UBE2Q1: variants seen among roughly 807,000 people sequenced by gnomAD.
UBE2Q1 encodes ubiquitin conjugating enzyme E2 Q1.
In UBE2Q1, 6 loss-of-function variants were observed where a neutral mutation model predicts 60.1. The ratio of observed to expected loss-of-function variants is 0.10; its 90% CI spans 0.05 to 0.20. The LOEUF is 0.20. UBE2Q1 is among the 10% of genes least tolerant of loss of function. The pLI is 1.00. For missense variants in UBE2Q1, 262 were observed against 525.8 expected, an observed-to-expected ratio of 0.50 and a Z score of 4.91; for synonymous variants, 226 against 208.3, an observed-to-expected ratio of 1.09 and a Z score of -0.73.
chr1:154,556,357 C>G (rs114907763), intron 1 of UBE2Q1, among the ~76,000 whole-genome samples: 2,361 of 152,314 alleles, frequency 0.016, 57 homozygotes, highest in African/African-American at 0.053. Flanking sequence ...GCTTTTCAAA[C>G]TCCAGAATCG....
At chr1:154,557,082 T>C (rs1049130685) in intron 1 of UBE2Q1, among the ~76,000 whole-genome samples, 1 of 152,242 alleles carries the variant, frequency 6.6e-6, no homozygotes, top group Non-Finnish European at 1.5e-5. Flanking sequence ...ATGGGACATA[T>C]GAGTTTTGGT....
chr1:154,550,829 G>A, intron 12 of UBE2Q1, 109 bp downstream of exon 12: 1 of 1,594,568 alleles, frequency 6.3e-7, no homozygotes, highest in South Asian at 1.1e-5. Context: ...TGTGTTAATG[G>A]GTGGTTGAGT....
chr1:154,555,865 T>A lies in UBE2Q1; in HGVS notation c.427A>T (p.Thr143Ser). The change falls in exon 2 of 13, where the codon ACT becomes TCT. Residue 143 changes from threonine to serine, a missense_variant. This residue lies in a region of UBE2Q1 where 111 missense variants were observed against 266.8 expected (regional missense o/e 0.42). Coordinates refer to ENST00000292211, the MANE Select transcript of UBE2Q1 (RefSeq NM_017582.7). ...ERLVDIKKGNTLLLQHLKRII... is the reference protein window; with the variant it reads ...ERLVDIKKGNSLLLQHLKRII... ...CTACCCTGTGGCCCCCTCACCAGAGTATTCCCTTTCTTTATGTCCACCAGC... is the reference window on the plus strand; with the variant it reads ...CTACCCTGTGGCCCCCTCACCAGAGAATTCCCTTTCTTTATGTCCACCAGC... The A allele has an allele frequency of 6.2e-7, 1 of 1,613,700 alleles. No individual in the cohort carries two copies. Among genetic ancestry groups the A allele is most frequent in the South Asian group, 1.1e-5 (1 of 91,046 alleles).
At position 154,549,307 on chromosome 1, in the gene UBE2Q1, G is replaced by C. The variant is rs923117156; in HGVS notation, c.*1131C>G. Reference sequence around the variant, plus strand: ...CCTGGGGTAAGGACACAGGTGTATAGAACAACCCCCCTTAAAATGCTAACC... The same window carrying C: ...CCTGGGGTAAGGACACAGGTGTATACAACAACCCCCCTTAAAATGCTAACC... On this transcript the variant is annotated 3_prime_UTR_variant, in exon 13 of 13. Transcript: ENST00000292211. 10 of 152,224 alleles carry C rather than the reference G, an allele frequency of 6.6e-5. No individual in the cohort carries two copies. The highest frequency in any genetic ancestry group is 1.9e-4 in the East Asian group (1 of 5,200). The allele number at this position is 152,224 out of a possible 1,614,324, so 9.4% of individuals were successfully genotyped here.
intron 1 of UBE2Q1, 55 bp from the exon 2 acceptor site, chr1:154,556,019 AG>A: frequency 6.6e-7 from 1 of 1,519,478 alleles, no homozygotes; most frequent in Non-Finnish European, 9.1e-7. Context: ...GGGAAAAGCC[AG>A]ATTTTGCCTG....
chr1:154,556,030 G>C lies in UBE2Q1; in HGVS notation c.328-66C>G, dbSNP rs558058532. The C allele has an allele frequency of 4.7e-5, 67 of 1,425,720 alleles. No individual in the cohort carries two copies. The African/African-American group carries it at 9.2e-4, about 19-fold the overall frequency. The allele number at this position is 1,425,720 out of a possible 1,614,324, so 88.3% of individuals were successfully genotyped here. ...CTCTGGGAAAAGCCAGATTTTGCCT[G>C]TCCTCTTCCCCCCAAGACTTCTAGC... is the stretch of plus-strand genomic sequence containing the variant. On this transcript the variant is annotated intron_variant, in intron 1 of 12. Coordinates refer to ENST00000292211, the MANE Select transcript of UBE2Q1 (RefSeq NM_017582.7).
At position 154,554,726 on chromosome 1, in the gene UBE2Q1, C is replaced by T. The variant is rs750749129; in HGVS notation, c.588+9G>A. 10 of 1,612,952 alleles carry T rather than the reference C, an allele frequency of 6.2e-6. No individual in the cohort carries two copies. The highest frequency in any genetic ancestry group is 8.5e-6 in the Non-Finnish European group (10 of 1,179,248). ...TTCCAGCCAATGCCACCTCAGGGGG[C>T]AAGCCTACCTCAGGCATCTCCTCAT... is the stretch of plus-strand genomic sequence containing the variant. On this transcript the variant is annotated intron_variant, in intron 4 of 12. Transcript: ENST00000292211.
chr1:154,552,706 T>C (rs924263073), intron 6 of UBE2Q1, 30 bp downstream of exon 6: 2 of 1,609,530 alleles, frequency 1.2e-6, no homozygotes, highest in Non-Finnish European at 1.7e-6. Flanking sequence ...GGGTGACTCT[T>C]GTGCAGGCCC....
chr1:154,551,511 A>G lies in UBE2Q1; in HGVS notation c.1075-19T>C, dbSNP rs919905565. On this transcript the variant is annotated intron_variant, in intron 10 of 12. Transcript: ENST00000292211. The stretch of plus-strand genomic sequence containing the variant: ...TCCAGCCCTGGGTGAAGGGAAGGAC[A>G]AGGCAAGCAGGTCCAGATGGAGCTT... The G allele has an allele frequency of 1.2e-6, 2 of 1,612,588 alleles. No homozygotes were observed. Among genetic ancestry groups the G allele is most frequent in the South Asian group, 1.1e-5 (1 of 91,038 alleles).
chr1:154,548,815 C>G lies in UBE2Q1; in HGVS notation c.*1623G>C, dbSNP rs565906786. On this transcript the variant is annotated 3_prime_UTR_variant, in exon 13 of 13. Transcript: ENST00000292211. ...TCTCAACCTCAGCATGTTTTATTAGCACCCCTAATTAGGTGGGTGTGGGTA... is the reference window on the plus strand; with the variant it reads ...TCTCAACCTCAGCATGTTTTATTAGGACCCCTAATTAGGTGGGTGTGGGTA... The G allele has an allele frequency of 6.5e-6, 1 of 152,758 alleles. No homozygotes were observed. Among genetic ancestry groups the G allele is most frequent in the South Asian group, 2.1e-4 (1 of 4,818 alleles). 9.5% of individuals were successfully genotyped at this position (152,758 alleles called of 1,614,324 possible).
chr1:154,551,792 G>A lies in UBE2Q1; in HGVS notation c.1053C>T (p.Cys351=). ...GGYVLGGGAI[C]MELLTKQGWS... ...TCACCTGTTTGGTGAGAAGTTCCAT[G>A]CAGATGGCCCCTCCGCCCAGAACAT... Residue 351 remains cysteine (C), a synonymous_variant, in exon 10 of 13, where the codon TGC becomes TGT. Coordinates refer to ENST00000292211, the MANE Select transcript of UBE2Q1 (RefSeq NM_017582.7). The A allele has an allele frequency of 1.9e-6, 3 of 1,614,238 alleles. No homozygotes were observed. The highest frequency in any genetic ancestry group is 2.5e-6 in the Non-Finnish European group (3 of 1,180,028).
chr1:154,552,682 A>C, intron 6 of UBE2Q1, 54 bp downstream of exon 6: 1 of 1,590,562 alleles, frequency 6.3e-7, no homozygotes, highest in Non-Finnish European at 8.6e-7. Context: ...CCTTGCCACC[A>C]TACCCTTCTT....
In UBE2Q1 at chr1:154,558,305, C is replaced by G. The variant is rs1206492315; in HGVS notation, c.249G>C (p.Ala83=). The part of the protein sequence containing the change: ...FLLAGAGGAG[A]GAAPGPHLPP... Reference sequence around the variant, plus strand: ...GGAGATGCGGTCCGGGCGCGGCCCCCGCCCCGGCCCCTCCGGCCCCAGCCA... The same window carrying G: ...GGAGATGCGGTCCGGGCGCGGCCCCGGCCCCGGCCCCTCCGGCCCCAGCCA... The change falls in exon 1 of 13, where the codon GCG becomes GCC. Residue 83 remains alanine, a synonymous_variant. Transcript: ENST00000292211. 1 of 1,582,128 alleles carries G rather than the reference C, an allele frequency of 6.3e-7. No homozygotes were observed. The highest frequency in any genetic ancestry group is 8.6e-7 in the Non-Finnish European group (1 of 1,167,662).
At position 154,550,309 on chromosome 1, in the gene UBE2Q1, T is replaced by C. The variant is rs1695772664; in HGVS notation, c.*129A>G. 8 of 1,215,870 alleles carry C rather than the reference T, an allele frequency of 6.6e-6. No homozygotes were observed. Among genetic ancestry groups the C allele is most frequent in the South Asian group, 2.7e-5 (2 of 73,730 alleles). 75.3% of individuals were successfully genotyped at this position (1,215,870 alleles called of 1,614,324 possible). A position where few individuals can be genotyped will look rare whatever the true frequency, so the allele number is the denominator to read the frequency against. On this transcript the variant is annotated 3_prime_UTR_variant, in exon 13 of 13. Transcript: ENST00000292211. The stretch of plus-strand genomic sequence containing the variant: ...TAGAATAGCCATCATTGTCCTGCAA[T>C]AGGCAGAGCTATCACGTCCAGGAAA...
At chr1:154,552,528 G>C in intron 6 of UBE2Q1, 64 bp from the exon 7 acceptor site, 1 of 1,583,844 alleles carries the variant, frequency 6.3e-7, no homozygotes, top group Non-Finnish European at 8.7e-7. Flanking sequence ...CTCTAATGCA[G>C]ACCCCTTTCC....
intron 1 of UBE2Q1, 89 bp downstream of exon 1, chr1:154,558,138 C>T (rs1695924432): frequency 8.7e-7 from 1 of 1,148,866 alleles, no homozygotes; most frequent in African/African-American, 1.6e-5. Context: ...TTCGGCCTCC[C>T]AGGTCCTTCG....
rs1308200228 is a variant in UBE2Q1 at position 154,548,975 on chromosome 1, A to G, written c.*1463T>C. The G allele has an allele frequency of 6.6e-6, 1 of 152,628 alleles. No individual in the cohort carries two copies. The highest frequency in any genetic ancestry group is 1.5e-5 in the Non-Finnish European group (1 of 68,034). 9.5% of individuals were successfully genotyped at this position (152,628 alleles called of 1,614,324 possible). A position where few individuals can be genotyped will look rare whatever the true frequency, so the allele number is the denominator to read the frequency against. ...TGTGAAAATTGCTGTGTCTCAAAGC[A>G]TTACAGAACTGCTCTAGCATCCTAG... On this transcript the variant is annotated 3_prime_UTR_variant, in exon 13 of 13. Transcript: ENST00000292211.
Position 154,558,467 on chromosome 1 carries a change from G to T in UBE2Q1, c.87C>A (p.Gly29=), listed in dbSNP as rs749427151. 5.7e-6 allele frequency: 7 copies of T among 1,231,614 alleles called. No homozygotes were observed. In the East Asian group the frequency reaches 2.0e-4, roughly 36 times the overall value. The allele number at this position is 1,231,614 out of a possible 1,614,324, so 76.3% of individuals were successfully genotyped here. ...GGQGAAPGAG[G]GPGGGPGPGP... ...CCGGCCCCGGGCCCCCCCCTGGGCCGCCCCCGGCCCCCGGCGCCGCCCCCT... is the reference window on the plus strand; with the variant it reads ...CCGGCCCCGGGCCCCCCCCTGGGCCTCCCCCGGCCCCCGGCGCCGCCCCCT... The change falls in exon 1 of 13, where the codon GGC becomes GGA. Residue 29 remains glycine (G), a synonymous_variant. Transcript: ENST00000292211.
In UBE2Q1 at chr1:154,551,499, G is replaced by A. The variant is rs1423783318; in HGVS notation, c.1075-7C>T. ...AGTAGGCACTGCTCCAGCCCTGGGT[G>A]AAGGGAAGGACAAGGCAAGCAGGTC... On this transcript the variant is annotated splice_region_variant and splice_polypyrimidine_tract_variant and intron_variant, in intron 10 of 12. Transcript: ENST00000292211. 1.2e-6 allele frequency: 2 copies of A among 1,613,722 alleles called. No homozygotes were observed. Among genetic ancestry groups the A allele is most frequent in the African/African-American group, 2.7e-5 (2 of 74,944 alleles).
Sources: gnomAD v4.1 joint callset for allele counts (sites outside exome capture counted in the v4.1 genomes callset) on GRCh38, gnomAD v4.1.1 for gene constraint, gnomAD v4.1.1 regional missense constraint, MANE v1.5 for transcripts, NCBI Gene and HGNC (gene_info 2026-07-23, HGNC 2026-07-21) for gene names.